The following HBZ variants were observed in gnomAD, a reference collection of about 807,000 sequenced individuals.
HBZ encodes the protein hemoglobin zeta chain.
A neutral mutation model predicts 5.8 loss-of-function variants in HBZ; 2 were observed. The ratio of observed to expected loss-of-function variants is 0.34; its 90% CI spans 0.14 to 1.09. The LOEUF (loss-of-function observed/expected upper bound fraction) is 1.09, where lower values mean the gene tolerates loss of function less well. Ranked by LOEUF, HBZ falls within the 50% of genes least tolerant of loss-of-function variation. The probability of loss-of-function intolerance (pLI) is 0.42; values close to 1 mark genes in which losing one functional copy is unlikely to be tolerated. For missense variants in HBZ, 47 were observed against 97.8 expected (o/e 0.48, Z 2.19); for synonymous variants, 39 against 47.4 (o/e 0.82, Z 0.73).
At position 154,304 on chromosome 16, in the gene HBZ, C is replaced by T. The variant is rs772700418; in HGVS notation, c.333C>T (p.Ala111=). 6.7e-6 allele frequency: 10 copies of T among 1,495,546 alleles called. 1 individual carries two copies. The South Asian group carries it at 9.9e-5, about 15-fold the overall frequency. 92.6% of individuals were successfully genotyped at this position (1,495,546 alleles called of 1,614,324 possible). ...CCCACTGCCTGCTGGTCACCCTGGC[C>T]GCGCGCTTCCCCGCCGACTTCACGG... ...LLSHCLLVTL[A]ARFPADFTAE... is the part of the protein sequence containing the mutation. Residue 111 remains alanine, a synonymous_variant, in exon 3 of 3, where the codon GCC becomes GCT. Transcript: ENST00000252951.
At position 154,472 on chromosome 16, in the gene HBZ, C is replaced by T. The variant is rs1567158278; in HGVS notation, c.*72C>T. 3 of 1,034,206 alleles carry T rather than the reference C, an allele frequency of 2.9e-6. No homozygotes were observed. The highest frequency in any genetic ancestry group is 4.0e-6 in the Non-Finnish European group (3 of 748,686). The allele number at this position is 1,034,206 out of a possible 1,614,324, so 64.1% of individuals were successfully genotyped here. A position where few individuals can be genotyped will look rare whatever the true frequency, so the allele number is the denominator to read the frequency against. On this transcript the variant is annotated 3_prime_UTR_variant, in exon 3 of 3. Transcript: ENST00000252951. ...CCTGGAGGTTCCCCAGCCCCACTTA[C>T]CGCGTAATGCGCCAATAAACCAATG...
At position 154,443 on chromosome 16, in the gene HBZ, C is replaced by T. The variant is rs1393083305; in HGVS notation, c.*43C>T. ...CCCAGGACAGGCTGCGGCCCCTCCCCCGTCCTGGAGGTTCCCCAGCCCCAC... is the reference window on the plus strand; with the variant it reads ...CCCAGGACAGGCTGCGGCCCCTCCCTCGTCCTGGAGGTTCCCCAGCCCCAC... On this transcript the variant is annotated 3_prime_UTR_variant, in exon 3 of 3. Transcript: ENST00000252951. 8.0e-6 allele frequency: 11 copies of T among 1,373,210 alleles called. No homozygotes were observed. In the African/African-American group the frequency reaches 1.3e-4, roughly 17 times the overall value. 85.1% of individuals were successfully genotyped at this position (1,373,210 alleles called of 1,614,324 possible).
rs1901638716 is a variant in HBZ, at chr16:152,908, C to T, written c.-2C>T. On this transcript the variant is annotated 5_prime_UTR_variant, in exon 1 of 3. Transcript: ENST00000252951. Reference sequence around the variant, plus strand: ...TCCAGTGCAGCTGCCCACCCTGCCGCCATGTCTCTGACCAAGACTGAGAGG... The same window carrying T: ...TCCAGTGCAGCTGCCCACCCTGCCGTCATGTCTCTGACCAAGACTGAGAGG... 1 of 1,612,528 alleles carries T rather than the reference C, an allele frequency of 6.2e-7. No individual in the cohort carries two copies. The highest frequency in any genetic ancestry group is 8.5e-7 in the Non-Finnish European group (1 of 1,179,604).
Position 152,894 on chromosome 16 carries a change from T to C in HBZ, c.-16T>C, listed in dbSNP as rs112811138. Reference sequence around the variant, plus strand: ...TGAGCAGGCCCAACTCCAGTGCAGCTGCCCACCCTGCCGCCATGTCTCTGA... The same window carrying C: ...TGAGCAGGCCCAACTCCAGTGCAGCCGCCCACCCTGCCGCCATGTCTCTGA... On this transcript the variant is annotated 5_prime_UTR_variant, in exon 1 of 3. Coordinates refer to ENST00000252951, the MANE Select transcript of HBZ (RefSeq NM_005332.3). 5.9e-3 allele frequency: 9,372 copies of C among 1,595,550 alleles called. 91 individuals are homozygous for C. The highest frequency in any genetic ancestry group is 0.047 in the African/African-American group (3,374 of 71,338).
In HBZ at chr16:154,451, G is replaced by C; in HGVS notation, c.*51G>C. 7.6e-7 allele frequency: 1 copy of C among 1,315,102 alleles called. No individual in the cohort carries two copies. 81.5% of individuals were successfully genotyped at this position (1,315,102 alleles called of 1,614,324 possible). On this transcript the variant is annotated 3_prime_UTR_variant, in exon 3 of 3. Transcript: ENST00000252951. ...AGGCTGCGGCCCCTCCCCCGTCCTG[G>C]AGGTTCCCCAGCCCCACTTACCGCG...
At position 153,018 on chromosome 16, in the gene HBZ, G is replaced by A. The variant is rs541307950; in HGVS notation, c.95+14G>A. 5.8e-5 allele frequency: 93 copies of A among 1,597,328 alleles called. 1 individual carries two copies. The highest frequency in any genetic ancestry group is 5.4e-4 in the East Asian group (24 of 44,738). On this transcript the variant is annotated intron_variant, in intron 1 of 2. Coordinates refer to ENST00000252951, the MANE Select transcript of HBZ (RefSeq NM_005332.3). Reference sequence around the variant, plus strand: ...GACTCTGGAGAGGTGAGTGTCAGACGGGACTGCCAGAGGGACTGGGTGGGA... The same window carrying A: ...GACTCTGGAGAGGTGAGTGTCAGACAGGACTGCCAGAGGGACTGGGTGGGA...
At chr16:154,184 A>AGGGGCGGGGC in intron 2 of HBZ, 88 bp downstream of exon 2, 1 of 12,848 alleles carries the variant, frequency 7.8e-5, no homozygotes, top group East Asian at 3.8e-3. Context: ...AGGGGCGGGG[A>AGGGGCGGGGC]GGGGCGGGGT....
chr16:152,749 G>C lies in HBZ; in HGVS notation c.-161G>C, dbSNP rs1901635746. 1.3e-5 allele frequency: 17 copies of C among 1,304,876 alleles called. No homozygotes were observed. The South Asian group carries it at 2.5e-4, about 19-fold the overall frequency. 80.8% of individuals were successfully genotyped at this position (1,304,876 alleles called of 1,614,324 possible). ...TGAGGGCCCCTTTGTCACTGGATCT[G>C]ATAAGAAACACCACCCCTGCAGCCC... On this transcript the variant is annotated 5_prime_UTR_variant, in exon 1 of 3. Coordinates refer to ENST00000252951, the MANE Select transcript of HBZ (RefSeq NM_005332.3).
Position 154,457 on chromosome 16 carries a change from C to T in HBZ, c.*57C>T, listed in dbSNP as rs1901680484. On this transcript the variant is annotated 3_prime_UTR_variant, in exon 3 of 3. Coordinates refer to ENST00000252951, the MANE Select transcript of HBZ (RefSeq NM_005332.3). ...CGGCCCCTCCCCCGTCCTGGAGGTT[C>T]CCCAGCCCCACTTACCGCGTAATGC... 1.6e-6 allele frequency: 2 copies of T among 1,234,530 alleles called. No individual in the cohort carries two copies. The highest frequency in any genetic ancestry group is 1.7e-5 in the South Asian group (1 of 60,486). The allele number at this position is 1,234,530 out of a possible 1,614,324, so 76.5% of individuals were successfully genotyped here.
Position 152,662 on chromosome 16 carries a change from C to T in HBZ, c.-248C>T. 1 of 623,808 alleles carries T rather than the reference C, an allele frequency of 1.6e-6. No individual in the cohort carries two copies. The allele number at this position is 623,808 out of a possible 1,614,324, so 38.6% of individuals were successfully genotyped here. ...TGTGGTCAGACTCTGGCCAACACCC[C>T]CTGTAAGGCCACAGGAGAGGAACAG... On this transcript the variant is annotated 5_prime_UTR_variant, in exon 1 of 3. Transcript: ENST00000252951.
In HBZ at chr16:154,423, G is replaced by A. The variant is rs1165262862; in HGVS notation, c.*23G>A. 4 of 1,454,400 alleles carry A rather than the reference G, an allele frequency of 2.8e-6. No homozygotes were observed. The highest frequency in any genetic ancestry group is 2.8e-6 in the Non-Finnish European group (3 of 1,085,490). The allele number at this position is 1,454,400 out of a possible 1,614,324, so 90.1% of individuals were successfully genotyped here. On this transcript the variant is annotated 3_prime_UTR_variant, in exon 3 of 3. Transcript: ENST00000252951. The stretch of plus-strand genomic sequence containing the variant: ...TGAGCGCCGCCTCCGGGACCCCCAG[G>A]ACAGGCTGCGGCCCCTCCCCCGTCC...
rs1901639626 is a variant in HBZ at position 152,941 on chromosome 16, T to C, written c.32T>C (p.Ile11Thr). 1.2e-6 allele frequency: 2 copies of C among 1,611,732 alleles called. No individual in the cohort carries two copies. The highest frequency in any genetic ancestry group is 1.3e-5 in the African/African-American group (1 of 74,794). The change falls in exon 1 of 3, where the codon ATT (isoleucine) becomes ACT (threonine). Residue 11 changes from isoleucine (I) to threonine (T), a missense_variant. This residue lies in a region of HBZ where 29 missense variants were observed against 39.7 expected (regional missense o/e 0.73). Coordinates refer to ENST00000252951, the MANE Select transcript of HBZ (RefSeq NM_005332.3). ...CTGACCAAGACTGAGAGGACCATCA[T>C]TGTGTCCATGTGGGCCAAGATCTCC... MSLTKTERTI[I>T]VSMWAKISTQ... is the part of the protein sequence containing the mutation.
rs751964490 is a variant in HBZ, at chr16:152,967, A to G, written c.58A>G (p.Thr20Ala). The change falls in exon 1 of 3, where the codon ACG (threonine) becomes GCG (alanine). Residue 20 changes from threonine (T) to alanine (A), a missense_variant. Thr to Ala is a moderately conservative substitution (Grantham distance 58). Transcript: ENST00000252951. ...TGTGTCCATGTGGGCCAAGATCTCC[A>G]CGCAGGCCGACACCATCGGCACCGA... ...IIVSMWAKIS[T>A]QADTIGTETL... 2 of 1,607,882 alleles carry G rather than the reference A, an allele frequency of 1.2e-6. No homozygotes were observed. The highest frequency in any genetic ancestry group is 3.3e-5 in the Admixed American group (2 of 59,882).
chr16:152,873 C>T lies in HBZ; in HGVS notation c.-37C>T, dbSNP rs759497919. On this transcript the variant is annotated 5_prime_UTR_variant, in exon 1 of 3. Transcript: ENST00000252951. The stretch of plus-strand genomic sequence containing the variant: ...GAGCACTACCAAGGCCAGTCCTGAG[C>T]AGGCCCAACTCCAGTGCAGCTGCCC... The T allele has an allele frequency of 6.2e-6, 10 of 1,610,614 alleles. No homozygotes were observed. The Admixed American group carries it at 1.5e-4, about 24-fold the overall frequency.
chr16:153,137 G>T (rs1183417360), intron 1 of HBZ, 133 bp downstream of exon 1: 11 of 554,204 alleles, frequency 2.0e-5, no homozygotes, highest in South Asian at 2.0e-5. Context: ...GGAGGGCACT[G>T]TGGGGAGAGG....
At position 152,896 on chromosome 16, in the gene HBZ, C is replaced by T; in HGVS notation, c.-14C>T. On this transcript the variant is annotated 5_prime_UTR_variant, in exon 1 of 3. Transcript: ENST00000252951. Reference sequence around the variant, plus strand: ...AGCAGGCCCAACTCCAGTGCAGCTGCCCACCCTGCCGCCATGTCTCTGACC... The same window carrying T: ...AGCAGGCCCAACTCCAGTGCAGCTGTCCACCCTGCCGCCATGTCTCTGACC... The T allele has an allele frequency of 6.2e-7, 1 of 1,612,068 alleles. No individual in the cohort carries two copies. The highest frequency in any genetic ancestry group is 8.5e-7 in the Non-Finnish European group (1 of 1,179,522).
rs1567158056 is a variant in HBZ at position 154,147 on chromosome 16, G to GGCGGTGCGGGGCGGT, written c.300+55_300+56insTGCGGGGCGGTGCGG. 22 of 40,596 alleles carry GGCGGTGCGGGGCGGT rather than the reference G, an allele frequency of 5.4e-4. 3 individuals are homozygous for GGCGGTGCGGGGCGGT. The African/African-American group carries it at 6.5e-3, about 12-fold the overall frequency. The allele number at this position is 40,596 out of a possible 1,614,324, so 2.5% of individuals were successfully genotyped here. ...GCGGGACGGGGCGGGGCGCGGTGCG[G>GGCGGTGCGGGGCGGT]GCGGGGCGGGGCGGGGCGGGGCGGG... is the stretch of plus-strand genomic sequence containing the variant. On this transcript the variant is annotated intron_variant, in intron 2 of 2. Coordinates refer to ENST00000252951, the MANE Select transcript of HBZ (RefSeq NM_005332.3).
Position 152,713 on chromosome 16 carries a change from C to T in HBZ, c.-197C>T. 1.9e-6 allele frequency: 2 copies of T among 1,049,856 alleles called. No individual in the cohort carries two copies. Among genetic ancestry groups the T allele is most frequent in the Middle Eastern group, 3.2e-4 (1 of 3,094 alleles). The allele number at this position is 1,049,856 out of a possible 1,614,324, so 65.0% of individuals were successfully genotyped here. ...GAGTGATAGCCCCCAAACCCCAGTC[C>T]CACCAGGCCCTGAGGGCCCCTTTGT... On this transcript the variant is annotated 5_prime_UTR_variant, in exon 1 of 3. Transcript: ENST00000252951.
chr16:152,644 A>G lies in HBZ; in HGVS notation c.-266A>G. On this transcript the variant is annotated 5_prime_UTR_variant, in exon 1 of 3. Transcript: ENST00000252951. ...CCTATCTCTCCTAGACTCTGTGGTC[A>G]GACTCTGGCCAACACCCCCTGTAAG... 1 of 535,086 alleles carries G rather than the reference A, an allele frequency of 1.9e-6. No homozygotes were observed. 33.1% of individuals were successfully genotyped at this position (535,086 alleles called of 1,614,324 possible).
Sources: allele counts gnomAD v4.1 joint callset, GRCh38; gene constraint gnomAD v4.1.1; regional missense constraint gnomAD v4.1.1; transcripts MANE v1.5; gene names NCBI Gene and HGNC (gene_info 2026-07-23, HGNC 2026-07-21).